Variants in SGCZ observed in about 807,000 individuals in gnomAD.
SGCZ encodes sarcoglycan zeta.
SGCZ carries 40 observed loss-of-function variants against 41.3 expected under a neutral mutation model. That is an observed-to-expected ratio of 0.97 (90% confidence interval 0.75 to 1.26). SGCZ has a LOEUF of 1.26. Ranked by LOEUF, SGCZ falls within the 50% of genes most tolerant of loss-of-function variation. The pLI is 0.00. For missense variants in SGCZ, 552 were observed against 369.8 expected (o/e 1.49, Z -4.04); for synonymous variants, 206 against 137.5 (o/e 1.50, Z -3.49).
At chr8:14,434,449 G>A (rs558044131) in intron 2 of SGCZ, among the ~76,000 whole-genome samples, 45 of 152,166 alleles carry the variant, frequency 3.0e-4, no homozygotes, top group Middle Eastern at 3.4e-3. Flanking sequence ...AGACCATGTC[G>A]GCTGTTTTTG....
chr8:14,937,459 A>G (rs544401108), intron 1 of SGCZ, among the ~76,000 whole-genome samples: 1 of 152,174 alleles, frequency 6.6e-6, no homozygotes, highest in African/African-American at 2.4e-5. Context: ...AATGATTCCA[A>G]TGCCTTCATA....
rs761823388 is a variant in SGCZ, at chr8:14,966,596, A to T, written c.39+270989T>A. ...GCCTAATTTTACTAATGCCATATTT[A>T]CTAATTTCCATTTAGAAATCCAGTG... On this transcript the variant is annotated intron_variant, in intron 1 of 7. Coordinates refer to ENST00000382080, the MANE Select transcript of SGCZ (RefSeq NM_139167.4). Among the ~76,000 whole-genome samples, 21 of 152,238 alleles carry T rather than the reference A, an allele frequency of 1.4e-4. 1 individual carries two copies. The highest frequency in any genetic ancestry group is 3.4e-3 in the Middle Eastern group (1 of 294).
In SGCZ at chr8:14,458,683, C is replaced by CTCTA. The variant is rs922806731; in HGVS notation, c.234+96045_234+96048dup. ...TATCTAGCAACATATGGAGTAGTATCTCTATCTATCTATCTATATATCTAC... is the reference window on the plus strand; with the variant it reads ...TATCTAGCAACATATGGAGTAGTATCTCTATCTATCTATCTATCTATATATCTAC... On this transcript the variant is annotated intron_variant, in intron 2 of 7. Transcript: ENST00000382080. Among the ~76,000 whole-genome samples, 52 of 152,162 alleles carry CTCTA rather than the reference C, an allele frequency of 3.4e-4. 1 individual carries two copies. The highest frequency in any genetic ancestry group is 1.2e-3 in the African/African-American group (48 of 41,512).
At chr8:15,163,073 T>C (rs959758894) in intron 1 of SGCZ, among the ~76,000 whole-genome samples, 2 of 152,188 alleles carry the variant, frequency 1.3e-5, no homozygotes, top group African/African-American at 2.4e-5. Flanking sequence ...TGCAGACAGA[T>C]CACCAAAGAA....
intron 4 of SGCZ, among the ~76,000 whole-genome samples, chr8:14,218,217 T>C (rs931321091): frequency 6.6e-6 from 1 of 152,182 alleles, no homozygotes; most frequent in African/African-American, 2.4e-5. Flanking sequence ...GTAAAGAACA[T>C]ACAAATTATT....
intron 3 of SGCZ, among the ~76,000 whole-genome samples, chr8:14,277,860 T>A (rs547338383): frequency 2.6e-5 from 4 of 151,900 alleles, no homozygotes; most frequent in South Asian, 2.1e-4. Flanking sequence ...CCTTTAGGAA[T>A]GTAAGCAAAT....
At chr8:14,223,578 T>C (rs1585249093) in intron 4 of SGCZ, among the ~76,000 whole-genome samples, 1 of 152,088 alleles carries the variant, frequency 6.6e-6, no homozygotes, top group African/African-American at 2.4e-5. Context: ...CTGTTGGAAC[T>C]AACAGGGAAT....
intron 1 of SGCZ, among the ~76,000 whole-genome samples, chr8:14,639,474 A>G (rs779689837): frequency 1.3e-4 from 19 of 151,732 alleles, no homozygotes; most frequent in Non-Finnish European, 2.7e-4. Context: ...GATAAATCAA[A>G]TCACTCTTAC....
intron 1 of SGCZ, among the ~76,000 whole-genome samples, chr8:14,887,407 T>G (rs1804851330): frequency 6.6e-6 from 1 of 152,202 alleles, no homozygotes; most frequent in Admixed American, 6.5e-5. Context: ...ATTATCATTT[T>G]ACATCTTTAG....
chr8:14,813,209 G>A (rs1350466716), intron 1 of SGCZ, among the ~76,000 whole-genome samples: 1 of 152,150 alleles, frequency 6.6e-6, no homozygotes, highest in South Asian at 2.1e-4. Context: ...TAATATGCTA[G>A]CGATTTACCA....
chr8:15,168,901 G>C (rs1799745929), intron 1 of SGCZ, among the ~76,000 whole-genome samples: 1 of 152,186 alleles, frequency 6.6e-6, no homozygotes, highest in Admixed American at 6.5e-5. Flanking sequence ...CAGAAGCTCA[G>C]CATGCTGGCA....
chr8:14,380,049 C>G (rs1202472134), intron 2 of SGCZ, among the ~76,000 whole-genome samples: 1 of 152,092 alleles, frequency 6.6e-6, no homozygotes, highest in Non-Finnish European at 1.5e-5. Context: ...TTGTTTTAAT[C>G]TTCACTTCTG....
At chr8:14,213,532 C>T (rs775297039) in intron 4 of SGCZ, among the ~76,000 whole-genome samples, 9 of 151,944 alleles carry the variant, frequency 5.9e-5, no homozygotes, top group South Asian at 2.1e-4. Context: ...CAGTAGATCT[C>T]GCCTTAAAGC....
intron 5 of SGCZ, among the ~76,000 whole-genome samples, chr8:14,109,735 C>A (rs1802317261): frequency 6.6e-6 from 1 of 152,088 alleles, no homozygotes; most frequent in Non-Finnish European, 1.5e-5. Flanking sequence ...TCAGATGACT[C>A]CTTTGCATAA....
chr8:14,357,009 A>T (rs929738303), intron 2 of SGCZ, among the ~76,000 whole-genome samples: 1 of 152,158 alleles, frequency 6.6e-6, no homozygotes, highest in African/African-American at 2.4e-5. Flanking sequence ...CAACAAAGTG[A>T]TAAATGAGAA....
At chr8:15,020,280 T>C (rs1803202011) in intron 1 of SGCZ, among the ~76,000 whole-genome samples, 1 of 152,106 alleles carries the variant, frequency 6.6e-6, no homozygotes, top group Admixed American at 6.6e-5. Flanking sequence ...TAAAATTCAA[T>C]TAAAAATCCC....
chr8:14,180,694 A>T (rs550424687), intron 4 of SGCZ, among the ~76,000 whole-genome samples: 2 of 152,052 alleles, frequency 1.3e-5, no homozygotes, highest in African/African-American at 4.8e-5. Context: ...ATCACTCCCT[A>T]TGAAGGTTTG....
At chr8:14,805,746 G>A (rs1051973187) in intron 1 of SGCZ, among the ~76,000 whole-genome samples, 1 of 152,036 alleles carries the variant, frequency 6.6e-6, no homozygotes, top group African/African-American at 2.4e-5. Flanking sequence ...GACATCTACA[G>A]AACTCTCCAC....
intron 2 of SGCZ, among the ~76,000 whole-genome samples, chr8:14,473,663 C>T (rs770952316): frequency 6.6e-6 from 1 of 151,782 alleles, no homozygotes; most frequent in African/African-American, 2.4e-5. Context: ...AGCGGCCGGG[C>T]GAGGTGTCTC....
Sources: allele counts gnomAD v4.1 joint callset (sites outside exome capture counted in the v4.1 genomes callset), GRCh38; gene constraint gnomAD v4.1.1; transcripts MANE v1.5; gene names NCBI Gene and HGNC (gene_info 2026-07-23, HGNC 2026-07-21).